The following AGXT2 variants were observed in gnomAD, a reference collection of about 807,000 sequenced individuals.
AGXT2 encodes the protein alanine--glyoxylate aminotransferase 2, mitochondrial.
Under a neutral mutation model 62.5 loss-of-function variants are expected in AGXT2, and 61 were observed. The observed-to-expected ratio is 0.98, with a 90% confidence interval of 0.79 to 1.21. The LOEUF (loss-of-function observed/expected upper bound fraction) is 1.21. AGXT2 is among the 50% of genes most tolerant of loss of function. AGXT2 has a pLI of 0.00. For missense variants in AGXT2, 666 were observed against 641.5 expected (o/e 1.04, Z -0.41); for synonymous variants, 243 against 218.7 (o/e 1.11, Z -0.98).
At position 35,040,676 on chromosome 5, in the gene AGXT2, T is replaced by C; in HGVS notation, c.89-13A>G. ...CGGGAAGTACCTACTGAAAGTGAAG[T>C]GAGTTAGAATCCTCAACTAAGCATG... On this transcript the variant is annotated splice_polypyrimidine_tract_variant and intron_variant, in intron 1 of 13. Transcript: ENST00000231420. 6.2e-7 allele frequency: 1 copy of C among 1,603,338 alleles called. No individual in the cohort carries two copies. The highest frequency in any genetic ancestry group is 8.5e-7 in the Non-Finnish European group (1 of 1,170,184).
chr5:35,026,313 G>A, intron 8 of AGXT2, 97 bp downstream of exon 8: 1 of 968,196 alleles, frequency 1.0e-6, no homozygotes, highest in East Asian at 2.5e-5. Flanking sequence ...GACACAGTGA[G>A]CACTTAATTC....
At chr5:35,010,298 G>T in intron 11 of AGXT2, 149 bp from the exon 12 acceptor site, 1 of 1,071,412 alleles carries the variant, frequency 9.3e-7, no homozygotes, top group South Asian at 1.3e-5. Context: ...ACTACAAAAA[G>T]ATCTGTTGTA....
chr5:35,005,712 C>T (rs1172733282), intron 12 of AGXT2, among the ~76,000 whole-genome samples: 4 of 151,946 alleles, frequency 2.6e-5, no homozygotes, highest in Non-Finnish European at 1.5e-5. Context: ...AGGCTTAAGC[C>T]ACAGCGCAGC....
chr5:35,026,272 C>G, intron 8 of AGXT2, 138 bp downstream of exon 8: 1 of 765,030 alleles, frequency 1.3e-6, no homozygotes, highest in Admixed American at 2.3e-5. Context: ...CTTCTTTTTT[C>G]AAGGAGACCA....
chr5:35,024,240 G>C (rs1251551428), intron 9 of AGXT2, among the ~76,000 whole-genome samples: 1 of 152,060 alleles, frequency 6.6e-6, no homozygotes, highest in Non-Finnish European at 1.5e-5. Flanking sequence ...AGCAATGATG[G>C]CTGGACAGAA....
chr5:35,010,013 ATTTC>A lies in AGXT2; in HGVS notation c.1321_1324del (p.Glu441TrpfsTer6). Reference sequence around the variant, plus strand: ...ATTAGCACCTACCTTATCCTGCACCATTTCTATGCCTATCATGAGACCTTTGCCT... The same window carrying A: ...ATTAGCACCTACCTTATCCTGCACCATATGCCTATCATGAGACCTTTGCCT... On this transcript the variant is annotated frameshift_variant, in exon 12 of 14. Transcript: ENST00000231420. LOFTEE classifies it high-confidence loss of function. 6.2e-7 allele frequency: 1 copy of A among 1,614,084 alleles called. No homozygotes were observed. The highest frequency in any genetic ancestry group is 8.5e-7 in the Non-Finnish European group (1 of 1,180,044).
intron 11 of AGXT2, 188 bp downstream of exon 11, chr5:35,012,766 A>G (rs1246851820): frequency 6.3e-6 from 4 of 631,782 alleles, no homozygotes; most frequent in East Asian, 5.6e-5. Flanking sequence ...CAATACTTTC[A>G]GCACCCAAAG....
At chr5:35,000,003 C>T (rs912613397) in intron 13 of AGXT2, among the ~76,000 whole-genome samples, 1 of 152,204 alleles carries the variant, frequency 6.6e-6, no homozygotes, top group African/African-American at 2.4e-5. Flanking sequence ...ACCCCCTTGT[C>T]CCCTATGGCT....
intron 9 of AGXT2, among the ~76,000 whole-genome samples, chr5:35,020,250 G>GC (rs1767015683): frequency 6.6e-6 from 1 of 152,126 alleles, no homozygotes; most frequent in Admixed American, 6.6e-5. Context: ...TGATACCAAA[G>GC]CCGGGCAGAG....
Position 35,040,063 on chromosome 5 carries a change from CAGAGAG to C in AGXT2, c.177+506_177+511del, listed in dbSNP as rs371303344. Among the ~76,000 whole-genome samples, 491 of 143,900 alleles carry C rather than the reference CAGAGAG, an allele frequency of 3.4e-3. 3 individuals carry two copies. Among genetic ancestry groups the C allele is most frequent in the African/African-American group, 0.012 (479 of 39,166 alleles). 94.4% of individuals were successfully genotyped at this position (143,900 alleles called of 152,430 possible). A position where few individuals can be genotyped will look rare whatever the true frequency, so the allele number is the denominator to read the frequency against. ...TGTGCATGCACGTGTGCATGCATAA[CAGAGAG>C]AGAGAGAGAGAGAGGGAGAAAGAAA... is the stretch of plus-strand genomic sequence containing the variant. On this transcript the variant is annotated intron_variant, in intron 2 of 13. Coordinates refer to ENST00000231420, the MANE Select transcript of AGXT2 (RefSeq NM_031900.4).
rs762050110 is a variant in AGXT2 at position 34,999,077 on chromosome 5, C to A, written c.1438-251G>T. ...ACATTTACCTCCTGGTCATTCTACA[C>A]CTTCACTGAAGTCTTAGGCCCCTCG... On this transcript the variant is annotated intron_variant, in intron 13 of 13. Coordinates refer to ENST00000231420, the MANE Select transcript of AGXT2 (RefSeq NM_031900.4). 1.7e-3 allele frequency among the ~76,000 whole-genome samples: 266 copies of A among 152,298 alleles called. 1 individual carries two copies. Among genetic ancestry groups the A allele is most frequent in the Middle Eastern group, 3.4e-3 (1 of 294 alleles).
chr5:35,038,661 T>A (rs564590838), intron 3 of AGXT2, among the ~76,000 whole-genome samples: 1 of 152,322 alleles, frequency 6.6e-6, no homozygotes, highest in South Asian at 2.1e-4. Context: ...GACTTGCTGC[T>A]TTATTGCTTT....
chr5:35,023,767 C>T (rs1258475667), intron 9 of AGXT2, among the ~76,000 whole-genome samples: 1 of 152,204 alleles, frequency 6.6e-6, no homozygotes, highest in Non-Finnish European at 1.5e-5. Context: ...ACACCAGGGA[C>T]ATCCAATACA....
In AGXT2 at chr5:35,013,973, C is replaced by T. The variant is rs889486698; in HGVS notation, c.1096+14G>A. On this transcript the variant is annotated intron_variant, in intron 10 of 13. Transcript: ENST00000231420. ...GAGGCCCAGAAGCAAACACAAACTGCCTGTGGGTCCTACCTGGAGTGGTTA... is the reference window on the plus strand; with the variant it reads ...GAGGCCCAGAAGCAAACACAAACTGTCTGTGGGTCCTACCTGGAGTGGTTA... The T allele has an allele frequency of 3.1e-6, 5 of 1,613,734 alleles. No individual in the cohort carries two copies. The Admixed American group carries it at 5.0e-5, about 16-fold the overall frequency.
chr5:35,002,049 C>A (rs1019016638), intron 13 of AGXT2, among the ~76,000 whole-genome samples: 5 of 152,118 alleles, frequency 3.3e-5, no homozygotes, highest in African/African-American at 9.7e-5. Context: ...TCCAGAATGA[C>A]ACCTGTTGCT....
At chr5:35,037,126 C>T (rs1767806366) in intron 3 of AGXT2, 61 bp from the exon 4 acceptor site, 3 of 1,610,286 alleles carry the variant, frequency 1.9e-6, no homozygotes, top group Non-Finnish European at 2.5e-6. Flanking sequence ...TGCACACACC[C>T]TGGTCATTGG....
intron 11 of AGXT2, among the ~76,000 whole-genome samples, chr5:35,011,864 A>G (rs1233748527): frequency 6.6e-6 from 1 of 151,728 alleles, no homozygotes; most frequent in Non-Finnish European, 1.5e-5. Context: ...AAGATATGGA[A>G]CCAACCTAAG....
intron 13 of AGXT2, among the ~76,000 whole-genome samples, chr5:35,002,193 T>A (rs543798158): frequency 2.8e-4 from 39 of 137,160 alleles, no homozygotes; most frequent in Non-Finnish European, 4.9e-5. Flanking sequence ...CAGAAAAATA[T>A]TTATGACCTG....
intron 1 of AGXT2, among the ~76,000 whole-genome samples, chr5:35,044,934 G>A (rs1325464214): frequency 6.6e-6 from 1 of 152,166 alleles, no homozygotes; most frequent in East Asian, 1.9e-4. Context: ...AGGCTTGGCA[G>A]GAATGGAGAA....
Sources: allele counts gnomAD v4.1 joint callset (sites outside exome capture counted in the v4.1 genomes callset), GRCh38; gene constraint gnomAD v4.1.1; transcripts MANE v1.5; gene names NCBI Gene and HGNC (gene_info 2026-07-23, HGNC 2026-07-21).